Variants in CACNA1D observed in about 807,000 individuals in gnomAD.
CACNA1D encodes calcium voltage-gated channel subunit alpha1 D, also known as voltage-dependent L-type calcium channel subunit alpha-1D.
Under a neutral mutation model 257.1 loss-of-function variants are expected in CACNA1D, and 55 were observed. The ratio of observed to expected loss-of-function variants is 0.21; its 90% CI spans 0.17 to 0.27. The LOEUF is 0.27. Among genes scored for constraint, CACNA1D ranks in the 10% least tolerant of loss-of-function variants. The probability of loss-of-function intolerance (pLI) is 1.00; values close to 1 mark genes in which losing one functional copy is unlikely to be tolerated. For missense variants in CACNA1D, 1,876 were observed against 2,784.0 expected, an observed-to-expected ratio of 0.67 and a Z score of 7.34; for synonymous variants, 980 against 1,014.9, an observed-to-expected ratio of 0.97 and a Z score of 0.65.
chr3:53,736,058 A>G (rs2095054222), intron 20 of CACNA1D, among the ~76,000 whole-genome samples: 1 of 152,216 alleles, frequency 6.6e-6, no homozygotes, highest in Non-Finnish European at 1.5e-5. Context: ...GAAGAACATT[A>G]GGCCAGGTGC....
chr3:53,501,484 G>A, intron 2 of CACNA1D, 131 bp from the exon 3 acceptor site: 1 of 652,108 alleles, frequency 1.5e-6, no homozygotes. Flanking sequence ...AGTCACAGCA[G>A]TCAGCCGAAA....
At chr3:53,497,647 G>A (rs1051972277) in intron 2 of CACNA1D, among the ~76,000 whole-genome samples, 186 bp downstream of exon 2, 1 of 152,146 alleles carries the variant, frequency 6.6e-6, no homozygotes, top group African/African-American at 2.4e-5. Context: ...GGCTGTACGG[G>A]TATATTTAGC....
At chr3:53,648,293 T>C (rs2094044419) in intron 3 of CACNA1D, among the ~76,000 whole-genome samples, 1 of 152,346 alleles carries the variant, frequency 6.6e-6, no homozygotes, top group East Asian at 1.9e-4. Context: ...CTTAGAACTC[T>C]TAAGTCTCAA....
At chr3:53,580,033 A>C (rs2093105067) in intron 3 of CACNA1D, among the ~76,000 whole-genome samples, 2 of 152,244 alleles carry the variant, frequency 1.3e-5, no homozygotes, top group South Asian at 2.1e-4. Flanking sequence ...GCAGGCAGGT[A>C]CAAAGACCAC....
chr3:53,754,973 G>A (rs1169558390), intron 29 of CACNA1D, among the ~76,000 whole-genome samples: 1 of 152,170 alleles, frequency 6.6e-6, no homozygotes, highest in East Asian at 1.9e-4. Flanking sequence ...TGATTGCAGT[G>A]GGGTCAAATT....
chr3:53,786,140 C>T (rs1458737949), intron 39 of CACNA1D: 1 of 153,344 alleles, frequency 6.5e-6, no homozygotes, highest in South Asian at 2.0e-4. Flanking sequence ...CAACCATACA[C>T]GTTGGAGGTT....
chr3:53,545,474 G>A (rs768394872), intron 3 of CACNA1D, among the ~76,000 whole-genome samples: 2 of 152,226 alleles, frequency 1.3e-5, no homozygotes, highest in Admixed American at 1.3e-4. Flanking sequence ...TGAGCCCGAA[G>A]GAGGTTCTTA....
chr3:53,667,640 T>C (rs1404615157), intron 7 of CACNA1D, among the ~76,000 whole-genome samples: 1 of 152,238 alleles, frequency 6.6e-6, no homozygotes, highest in Non-Finnish European at 1.5e-5. Flanking sequence ...AGGTTTTTGC[T>C]GCCCTTCAGC....
chr3:53,573,216 G>A (rs1231626914), intron 3 of CACNA1D, among the ~76,000 whole-genome samples: 1 of 152,004 alleles, frequency 6.6e-6, no homozygotes, highest in Non-Finnish European at 1.5e-5. Context: ...TTTATTAATT[G>A]ATCTGGTTAT....
At chr3:53,677,029 C>T (rs572207824) in intron 8 of CACNA1D, among the ~76,000 whole-genome samples, 2 of 152,186 alleles carry the variant, frequency 1.3e-5, no homozygotes, top group East Asian at 1.9e-4. Flanking sequence ...ACATATTACA[C>T]GTGGTCTTCT....
rs974842884 is a variant in CACNA1D at position 53,813,228 on chromosome 3, A to G, written c.*1822A>G. 2.0e-5 allele frequency: 3 copies of G among 152,008 alleles called. No individual in the cohort carries two copies. Among genetic ancestry groups the G allele is most frequent in the Non-Finnish European group, 4.4e-5 (3 of 68,016 alleles). 9.4% of individuals were successfully genotyped at this position (152,008 alleles called of 1,614,324 possible). ...AGACATTCTTACTCTGATCCAGGCA[A>G]AAACACTTCAAGGTTTGTAAATGAC... On this transcript the variant is annotated 3_prime_UTR_variant, in exon 48 of 48. Transcript: ENST00000350061.
At chr3:53,562,761 G>A (rs1459401058) in intron 3 of CACNA1D, among the ~76,000 whole-genome samples, 1 of 152,172 alleles carries the variant, frequency 6.6e-6, no homozygotes, top group African/African-American at 2.4e-5. Flanking sequence ...CTTCCTGAAT[G>A]CTAGGTATTC....
At chr3:53,508,174 G>T (rs982061151) in intron 3 of CACNA1D, among the ~76,000 whole-genome samples, 1 of 152,020 alleles carries the variant, frequency 6.6e-6, no homozygotes, top group Non-Finnish European at 1.5e-5. Flanking sequence ...TTAAGTTCCG[G>T]GATACATGTG....
At chr3:53,724,174 C>T (rs2094908671) in intron 14 of CACNA1D, among the ~76,000 whole-genome samples, 175 bp downstream of exon 14, 1 of 152,180 alleles carries the variant, frequency 6.6e-6, no homozygotes, top group Non-Finnish European at 1.5e-5. Flanking sequence ...GCATCATCCT[C>T]CAGCTGTCTA....
intron 11 of CACNA1D, among the ~76,000 whole-genome samples, chr3:53,721,221 C>T (rs1156976989): frequency 6.6e-6 from 1 of 152,174 alleles, no homozygotes; most frequent in Non-Finnish European, 1.5e-5. Flanking sequence ...TAAAATACAC[C>T]TTACTTGATC....
At chr3:53,717,091 G>A (rs984957277) in intron 9 of CACNA1D, among the ~76,000 whole-genome samples, 10 of 152,222 alleles carry the variant, frequency 6.6e-5, no homozygotes, top group African/African-American at 2.4e-5. Flanking sequence ...GGAGCCACAC[G>A]GGCAGAGCCC....
At chr3:53,554,926 C>T (rs1054621810) in intron 3 of CACNA1D, among the ~76,000 whole-genome samples, 26 of 152,316 alleles carry the variant, frequency 1.7e-4, no homozygotes, top group Non-Finnish European at 3.2e-4. Flanking sequence ...GTAAATACCC[C>T]TGACTCTCAT....
At chr3:53,580,822 T>C (rs925674201) in intron 3 of CACNA1D, among the ~76,000 whole-genome samples, 2 of 152,220 alleles carry the variant, frequency 1.3e-5, no homozygotes, top group African/African-American at 4.8e-5. Context: ...CATCAAAGTT[T>C]CTTCAGTTCT....
At chr3:53,688,119 G>T (rs2094489228) in intron 8 of CACNA1D, among the ~76,000 whole-genome samples, 1 of 152,222 alleles carries the variant, frequency 6.6e-6, no homozygotes, top group African/African-American at 2.4e-5. Context: ...TCTACAAAAT[G>T]ACTAGTACAT....
Sources: allele counts gnomAD v4.1 joint callset (sites outside exome capture counted in the v4.1 genomes callset), GRCh38; gene constraint gnomAD v4.1.1; transcripts MANE v1.5; gene names NCBI Gene and HGNC (gene_info 2026-07-23, HGNC 2026-07-21).